PLA2G6: variants seen among roughly 807,000 people sequenced by gnomAD.
PLA2G6 encodes 85/88 kDa calcium-independent phospholipase A2.
Under a neutral mutation model 83.8 loss-of-function variants are expected in PLA2G6, and 62 were observed. That is an observed-to-expected ratio of 0.74 (90% CI 0.60 to 0.91). The LOEUF is 0.91. Among genes scored for constraint, PLA2G6 ranks in the 40% least tolerant of loss-of-function variants. The pLI, the probability that PLA2G6 is intolerant of heterozygous loss-of-function variation, is 0.00. For synonymous variants in PLA2G6, 417 were observed against 449.8 expected (o/e 0.93, Z 0.92); for missense variants, 944 against 1,102.0 (o/e 0.86, Z 2.03).
At chr22:38,121,401 A>G (rs1378610082) in intron 11 of PLA2G6, among the ~76,000 whole-genome samples, 1 of 152,122 alleles carries the variant, frequency 6.6e-6, no homozygotes, top group Non-Finnish European at 1.5e-5. Flanking sequence ...TCTGCACTTC[A>G]TCTTGTATTC....
intron 13 of PLA2G6, 175 bp from the exon 14 acceptor site, chr22:38,115,856 G>A (rs922606379): frequency 6.8e-6 from 10 of 1,475,074 alleles, no homozygotes; most frequent in Non-Finnish European, 9.0e-6. Flanking sequence ...CGTCCTGGTG[G>A]AAGGCAGGTA....
intron 1 of PLA2G6, among the ~76,000 whole-genome samples, chr22:38,176,449 C>T (rs552919740): frequency 2.0e-4 from 30 of 152,296 alleles, no homozygotes; most frequent in East Asian, 5.8e-4. Flanking sequence ...CAGCTGCTGA[C>T]GACAGGATGT....
At position 38,123,369 on chromosome 22, in the gene PLA2G6, G is replaced by A; in HGVS notation, c.1428-111C>T. On this transcript the variant is annotated intron_variant, in intron 10 of 16. Transcript: ENST00000332509. The surrounding 1 kb of genome is among the most constrained non-coding windows in gnomAD (Gnocchi z 4.1). ...AGCTGTGTCCTGGCAGACAGACCCAGACGGACCCGAGGAACTTCTGTCCTA... is the reference window on the plus strand; with the variant it reads ...AGCTGTGTCCTGGCAGACAGACCCAAACGGACCCGAGGAACTTCTGTCCTA... The A allele has an allele frequency of 8.6e-7, 1 of 1,163,418 alleles. No individual in the cohort carries two copies. The highest frequency in any genetic ancestry group is 2.6e-5 in the East Asian group (1 of 39,064). 72.1% of individuals were successfully genotyped at this position (1,163,418 alleles called of 1,614,324 possible).
chr22:38,116,133 A>T lies in PLA2G6; in HGVS notation c.1821T>A (p.Thr607=). 1 of 1,613,910 alleles carries T rather than the reference A, an allele frequency of 6.2e-7. No homozygotes were observed. The highest frequency in any genetic ancestry group is 8.5e-7 in the Non-Finnish European group (1 of 1,179,842). Residue 607 remains threonine (T), a synonymous_variant, in exon 13 of 17, where the codon ACT becomes ACA. Coordinates refer to ENST00000332509, the MANE Select transcript of PLA2G6 (RefSeq NM_003560.4). Reference sequence around the variant, plus strand: ...TCTGGTTGAAACGAGGCTCCCGGACAGTTTCTGGAGCATCGTAGTTCCGGA... The same window carrying T: ...TCTGGTTGAAACGAGGCTCCCGGACTGTTTCTGGAGCATCGTAGTTCCGGA... The part of the protein sequence containing the change: ...HLFRNYDAPE[T]VREPRFNQNV...
Position 38,112,187 on chromosome 22 carries a change from G to T in PLA2G6, c.2395C>A (p.Leu799Ile). The change falls in exon 17 of 17, where the codon CTC becomes ATC. Residue 799 changes from leucine (L) to isoleucine (I), a missense_variant. Transcript: ENST00000332509. ...IYEHREEFQK[L>I]IQLLLSP ...CAGGGTGAGAGCAGCAGCTGGATGA[G>T]CTTCTGGAACTCCTCGCGGTGCTCA... is the stretch of plus-strand genomic sequence containing the variant. The T allele has an allele frequency of 6.3e-7, 1 of 1,596,570 alleles. No individual in the cohort carries two copies. Among genetic ancestry groups the T allele is most frequent in the Admixed American group, 1.7e-5 (1 of 57,214 alleles).
chr22:38,179,270 G>A (rs889658478), intron 1 of PLA2G6, among the ~76,000 whole-genome samples: 72 of 152,330 alleles, frequency 4.7e-4, no homozygotes, highest in African/African-American at 1.6e-3. Context: ...CATGAGAGGA[G>A]AGGCCACTGC....
intron 10 of PLA2G6, chr22:38,126,055 G>C (rs113019754): frequency 8.2e-5 from 34 of 414,306 alleles, no homozygotes; most frequent in African/African-American, 5.3e-4. Flanking sequence ...CTCCCCAGGG[G>C]GGACCCAGGC....
intron 2 of PLA2G6, among the ~76,000 whole-genome samples, chr22:38,151,282 T>G (rs1303052871): frequency 6.6e-6 from 1 of 151,958 alleles, no homozygotes; most frequent in Admixed American, 6.6e-5. Flanking sequence ...GTCTCACTCC[T>G]GTCACCCACG....
At chr22:38,116,851 C>CAAAAAAAAAA (rs57712042) in intron 12 of PLA2G6, among the ~76,000 whole-genome samples, 39 of 37,654 alleles carry the variant, frequency 1.0e-3, no homozygotes, top group Non-Finnish European at 1.2e-3. Context: ...AACTCCGTCT[C>CAAAAAAAAAA]AAAAAAAAAA....
chr22:38,127,155 C>T lies in PLA2G6; in HGVS notation c.1349-706G>A, dbSNP rs1602112687. The T allele has an allele frequency of 4.3e-6, 5 of 1,154,966 alleles. No individual in the cohort carries two copies. The South Asian group carries it at 7.1e-5, about 16-fold the overall frequency. 71.5% of individuals were successfully genotyped at this position (1,154,966 alleles called of 1,614,324 possible). A position where few individuals can be genotyped will look rare whatever the true frequency, so the allele number is the denominator to read the frequency against. On this transcript the variant is annotated intron_variant, in intron 9 of 16. Coordinates refer to ENST00000332509, the MANE Select transcript of PLA2G6 (RefSeq NM_003560.4). ...CGCGTGACCCCAACTCTGACAGCCC[C>T]CCACCACTGTGCAGAGTCTAGAAGC...
rs1029680671 is a variant in PLA2G6 at position 38,158,666 on chromosome 22, T to C, written c.209+10552A>G. 7.2e-5 allele frequency among the ~76,000 whole-genome samples: 11 copies of C among 152,226 alleles called. 1 individual carries two copies. Among genetic ancestry groups the C allele is most frequent in the Admixed American group, 7.2e-4 (11 of 15,286 alleles). The stretch of plus-strand genomic sequence containing the variant: ...GTATCTGAAATTTGTTCATATTTGC[T>C]TTATGGCCAGCATAGGTCAGTGTCT... On this transcript the variant is annotated intron_variant, in intron 2 of 16. Coordinates refer to ENST00000332509, the MANE Select transcript of PLA2G6 (RefSeq NM_003560.4).
At chr22:38,145,728 C>T in intron 2 of PLA2G6, 75 bp from the exon 3 acceptor site, 1 of 1,038,714 alleles carries the variant, frequency 9.6e-7, no homozygotes, top group Non-Finnish European at 1.5e-6. Flanking sequence ...CTGCTGGAAT[C>T]AGAAGGTCCC....
intron 2 of PLA2G6, among the ~76,000 whole-genome samples, chr22:38,168,494 C>CCT (rs1203171381): frequency 2.0e-5 from 3 of 152,342 alleles, no homozygotes; most frequent in Admixed American, 6.5e-5. Context: ...GAGGCAACAG[C>CCT]TCTGTCCAGC....
At chr22:38,177,206 C>G (rs2090667891) in intron 1 of PLA2G6, among the ~76,000 whole-genome samples, 1 of 152,132 alleles carries the variant, frequency 6.6e-6, no homozygotes, top group South Asian at 2.1e-4. Flanking sequence ...GCTGGCCACA[C>G]AGCAGGTGCT....
intron 1 of PLA2G6, among the ~76,000 whole-genome samples, chr22:38,172,586 G>A (rs1176354509): frequency 6.6e-6 from 1 of 152,252 alleles, no homozygotes; most frequent in Non-Finnish European, 1.5e-5. Context: ...GGAAGTAGCA[G>A]TATAGGCTGA....
At position 38,132,100 on chromosome 22, in the gene PLA2G6, G is replaced by A. The variant is rs2088251983; in HGVS notation, c.1077+731C>T. On this transcript the variant is annotated intron_variant, in intron 7 of 16. Coordinates refer to ENST00000332509, the MANE Select transcript of PLA2G6 (RefSeq NM_003560.4). This position sits in a 1 kb window ranked among gnomAD's most constrained non-coding sequence, Gnocchi z 5.0. ...ACTGCACTCCAGCCTGGGCGACAGT[G>A]CGAGACTCCATCTCGAAAAAAAAGA... 1 of 455,632 alleles carries A rather than the reference G, an allele frequency of 2.2e-6. No homozygotes were observed. Among genetic ancestry groups the A allele is most frequent in the South Asian group, 1.6e-5 (1 of 64,476 alleles). The allele number at this position is 455,632 out of a possible 1,614,324, so 28.2% of individuals were successfully genotyped here.
At position 38,126,386 on chromosome 22, in the gene PLA2G6, CT is replaced by C; in HGVS notation, c.1411del (p.Arg471GlyfsTer18). On this transcript the variant is annotated frameshift_variant, in exon 10 of 17. Coordinates refer to ENST00000332509, the MANE Select transcript of PLA2G6 (RefSeq NM_003560.4). LOFTEE classifies it high-confidence loss of function. ...ATCCACTTACGTCCGCTTCTCGTCC[CT>C]CATGGAGCCCAGGATGAACGCTGGC... is the stretch of plus-strand genomic sequence containing the variant. ...RKPAFILGSM[R>X]DEKRTHDHLL... 6.2e-7 allele frequency: 1 copy of C among 1,613,498 alleles called. No individual in the cohort carries two copies. Among genetic ancestry groups the C allele is most frequent in the Non-Finnish European group, 8.5e-7 (1 of 1,179,654 alleles).
intron 2 of PLA2G6, among the ~76,000 whole-genome samples, chr22:38,160,507 G>A (rs867472813): frequency 4.6e-5 from 7 of 152,118 alleles, no homozygotes; most frequent in Admixed American, 1.3e-4. Flanking sequence ...CACACAAAAC[G>A]TATCAATCTC....
At chr22:38,159,430 T>C (rs1569291156) in intron 2 of PLA2G6, among the ~76,000 whole-genome samples, 1 of 152,024 alleles carries the variant, frequency 6.6e-6, no homozygotes, top group African/African-American at 2.4e-5. Context: ...TCCAAACATT[T>C]AAGAAAGAAA....
Sources: allele counts gnomAD v4.1 joint callset (sites outside exome capture counted in the v4.1 genomes callset), GRCh38; gene constraint gnomAD v4.1.1; non-coding constraint Gnocchi (gnomAD v3.1); transcripts MANE v1.5; gene names NCBI Gene and HGNC (gene_info 2026-07-23, HGNC 2026-07-21).